The following CCDC91 variants were observed in gnomAD, a reference collection of about 807,000 sequenced individuals.
CCDC91 encodes coiled-coil domain-containing protein 91.
A neutral mutation model predicts 63.2 loss-of-function variants in CCDC91; 48 were observed. The ratio of observed to expected loss-of-function variants is 0.76; its 90% CI spans 0.60 to 0.97. CCDC91 has a LOEUF of 0.97. Ranked by LOEUF, CCDC91 falls within the 50% of genes least tolerant of loss-of-function variation. The probability of loss-of-function intolerance (pLI) is 0.00; values close to 1 mark genes in which losing one functional copy is unlikely to be tolerated. For missense variants in CCDC91, 500 were observed against 494.6 expected, an observed-to-expected ratio of 1.01 and a Z score of -0.10; for synonymous variants, 167 against 165.8, an observed-to-expected ratio of 1.01 and a Z score of -0.06.
chr12:28,341,858 T>C (rs151001282), intron 6 of CCDC91, among the ~76,000 whole-genome samples: 1 of 152,324 alleles, frequency 6.6e-6, no homozygotes, highest in African/African-American at 2.4e-5. Flanking sequence ...CAAATGCTGC[T>C]GAAGGTTATC....
rs957392387 is a variant in CCDC91, at chr12:28,397,156, A to G, written c.762+5745A>G. 3.9e-5 allele frequency among the ~76,000 whole-genome samples: 6 copies of G among 152,202 alleles called. No homozygotes were observed. In the South Asian group the frequency reaches 6.2e-4, roughly 16 times the overall value. On this transcript the variant is annotated intron_variant, in intron 8 of 12. Coordinates refer to ENST00000536442, the MANE Select transcript of CCDC91 (RefSeq NM_018318.5). The stretch of plus-strand genomic sequence containing the variant: ...AACCCAGAAATACAGAGCATTTTGC[A>G]AAGAGAGAGTTGCTAACATTTTCAA...
intron 8 of CCDC91, among the ~76,000 whole-genome samples, chr12:28,442,097 A>G (rs1391704258): frequency 6.6e-6 from 1 of 152,082 alleles, no homozygotes; most frequent in East Asian, 1.9e-4. Flanking sequence ...TTTGTTTACT[A>G]TCTATATGTT....
chr12:28,283,883 A>T, intron 3 of CCDC91, among the ~76,000 whole-genome samples: 1 of 152,044 alleles, frequency 6.6e-6, no homozygotes, highest in Non-Finnish European at 1.5e-5. Context: ...ATTATTTTAG[A>T]TTTCAGGGTT....
rs149343067 is a variant in CCDC91, at chr12:28,383,767, A to G, written c.655-7537A>G. Among the ~76,000 whole-genome samples, 7 of 152,238 alleles carry G rather than the reference A, an allele frequency of 4.6e-5. No individual in the cohort carries two copies. The East Asian group carries it at 5.8e-4, about 13-fold the overall frequency. On this transcript the variant is annotated intron_variant, in intron 7 of 12. Coordinates refer to ENST00000536442, the MANE Select transcript of CCDC91 (RefSeq NM_018318.5). ...AGATTTTACTCATATTATTTCTTTT[A>G]TATTCCAACAAAATTTTCTGAAACG... is the stretch of plus-strand genomic sequence containing the variant.
At chr12:28,502,216 T>G (rs1271884680) in intron 12 of CCDC91, among the ~76,000 whole-genome samples, 1 of 151,958 alleles carries the variant, frequency 6.6e-6, no homozygotes, top group African/African-American at 2.4e-5. Context: ...CTTAAGCTGA[T>G]AAGCAACTTC....
chr12:28,375,478 T>C (rs1476378164), intron 7 of CCDC91, among the ~76,000 whole-genome samples: 1 of 151,898 alleles, frequency 6.6e-6, no homozygotes, highest in Non-Finnish European at 1.5e-5. Context: ...CAGCATTCTT[T>C]CGTTAACTTT....
At chr12:28,367,844 C>T (rs1174981547) in intron 7 of CCDC91, among the ~76,000 whole-genome samples, 6 of 152,028 alleles carry the variant, frequency 3.9e-5, no homozygotes, top group South Asian at 2.1e-4. Flanking sequence ...TGGCAAATTT[C>T]CCTCCATAAT....
chr12:28,425,558 C>T (rs1948265797), intron 8 of CCDC91, among the ~76,000 whole-genome samples: 1 of 152,160 alleles, frequency 6.6e-6, no homozygotes, highest in Non-Finnish European at 1.5e-5. Flanking sequence ...GAAATTAGTG[C>T]TTTCTCAAGT....
At chr12:28,197,590 G>A (rs1055312904) in intron 1 of CCDC91, among the ~76,000 whole-genome samples, 3 of 152,094 alleles carry the variant, frequency 2.0e-5, no homozygotes, top group African/African-American at 7.2e-5. Flanking sequence ...ATAGTAAGTG[G>A]TAGAGCTTGA....
intron 12 of CCDC91, among the ~76,000 whole-genome samples, chr12:28,526,614 G>A (rs929357942): frequency 4.6e-5 from 7 of 152,036 alleles, no homozygotes; most frequent in Non-Finnish European, 7.4e-5. Context: ...AATTTCCCAG[G>A]TGTTGTTTGA....
intron 8 of CCDC91, among the ~76,000 whole-genome samples, chr12:28,411,956 C>T (rs952850717): frequency 6.6e-6 from 1 of 152,158 alleles, no homozygotes; most frequent in African/African-American, 2.4e-5. Context: ...AGGCCCTACC[C>T]CCCAACACCA....
At chr12:28,427,357 T>A (rs1948377332) in intron 8 of CCDC91, among the ~76,000 whole-genome samples, 1 of 152,118 alleles carries the variant, frequency 6.6e-6, no homozygotes, top group African/African-American at 2.4e-5. Context: ...CTGGGCATAT[T>A]TCATAATGGT....
At chr12:28,307,895 A>G in intron 6 of CCDC91, 146 bp downstream of exon 6, 1 of 578,120 alleles carries the variant, frequency 1.7e-6, no homozygotes, top group Non-Finnish European at 3.1e-6. Flanking sequence ...GGGCTAAATT[A>G]ATGGGAAGAC....
intron 11 of CCDC91, among the ~76,000 whole-genome samples, chr12:28,465,565 A>G (rs1324375085): frequency 1.3e-5 from 2 of 152,208 alleles, no homozygotes; most frequent in Non-Finnish European, 1.5e-5. Context: ...ATCTTGTCCA[A>G]AACCATCAAG....
At chr12:28,549,003 TTATC>T (rs1943169787) in intron 12 of CCDC91, 56 bp from the exon 13 acceptor site, 1 of 1,164,006 alleles carries the variant, frequency 8.6e-7, no homozygotes, top group Admixed American at 1.9e-5. Context: ...ATAATATTCT[TTATC>T]CTTCAACTCA....
At chr12:28,437,477 G>A (rs768460742) in intron 8 of CCDC91, among the ~76,000 whole-genome samples, 2 of 151,986 alleles carry the variant, frequency 1.3e-5, no homozygotes, top group South Asian at 2.1e-4. Context: ...ATAACCTTTC[G>A]TGATATAAGA....
At chr12:28,403,043 T>G (rs1294364624) in intron 8 of CCDC91, among the ~76,000 whole-genome samples, 1 of 152,210 alleles carries the variant, frequency 6.6e-6, no homozygotes, top group Non-Finnish European at 1.5e-5. Flanking sequence ...GGATTCAATT[T>G]GTTAATATTA....
chr12:28,473,994 G>T (rs1950955111), intron 11 of CCDC91, among the ~76,000 whole-genome samples: 1 of 151,880 alleles, frequency 6.6e-6, no homozygotes, highest in Non-Finnish European at 1.5e-5. Context: ...GTGTGTGTGT[G>T]TGCACGTGTG....
At chr12:28,477,008 G>A (rs898752757) in intron 11 of CCDC91, among the ~76,000 whole-genome samples, 2 of 152,112 alleles carry the variant, frequency 1.3e-5, no homozygotes, top group African/African-American at 4.8e-5. Context: ...AGAAGTCCAG[G>A]ACCAGACAGA....
Sources: allele counts gnomAD v4.1 joint callset (sites outside exome capture counted in the v4.1 genomes callset), GRCh38; gene constraint gnomAD v4.1.1; transcripts MANE v1.5; gene names NCBI Gene and HGNC (gene_info 2026-07-23, HGNC 2026-07-21).